The following ZNF420 variants were observed in gnomAD, a reference collection of about 807,000 sequenced individuals.
The protein encoded by ZNF420 is zinc finger protein 420.
ZNF420 carries 31 observed loss-of-function variants against 44.7 expected under a neutral mutation model. The observed-to-expected ratio is 0.69, with a 90% CI of 0.52 to 0.94. The LOEUF is 0.94. Ranked by LOEUF, ZNF420 falls within the 40% of genes least tolerant of loss-of-function variation. The pLI is 0.00. For missense variants in ZNF420, 681 were observed against 827.9 expected (o/e 0.82, Z 2.18); for synonymous variants, 245 against 267.4 (o/e 0.92, Z 0.82).
intron 4 of ZNF420, among the ~76,000 whole-genome samples, chr19:37,107,932 A>G (rs544830878): frequency 1.1e-3 from 164 of 152,204 alleles, no homozygotes; most frequent in African/African-American, 3.9e-3. Context: ...GCATCTAACC[A>G]TGTCCCAGTG....
At chr19:37,101,962 G>A (rs1320282455) in intron 4 of ZNF420, among the ~76,000 whole-genome samples, 1 of 152,230 alleles carries the variant, frequency 6.6e-6, no homozygotes, top group Non-Finnish European at 1.5e-5. Flanking sequence ...CTCCCAGCAT[G>A]TCTCTGCACA....
At chr19:37,052,398 G>T (rs1004386029) in intron 1 of ZNF420, among the ~76,000 whole-genome samples, 1 of 152,078 alleles carries the variant, frequency 6.6e-6, no homozygotes, top group Admixed American at 6.5e-5. Flanking sequence ...ATTTGATCCT[G>T]TCATTATGAT....
At chr19:37,073,751 G>GAAAA (rs71177422), upstream of ZNF420, among the ~76,000 whole-genome samples, 1 of 100,646 alleles carries the variant, frequency 9.9e-6, no homozygotes, top group Admixed American at 1.1e-4. Context: ...CCTGAAAAAA[G>GAAAA]AAAAAAAAAA....
chr19:37,028,150 T>C (rs377453049), intron 1 of ZNF420, among the ~76,000 whole-genome samples: 184 of 152,332 alleles, frequency 1.2e-3, no homozygotes, highest in African/African-American at 4.3e-3. Flanking sequence ...CTCATCTTTG[T>C]TTTAATTTGA....
chr19:37,056,092 C>CTCTG (rs1221098523), intron 1 of ZNF420, among the ~76,000 whole-genome samples: 1 of 151,820 alleles, frequency 6.6e-6, no homozygotes, highest in African/African-American at 2.4e-5. Flanking sequence ...CTCTCTGTCT[C>CTCTG]TCTCTCTCTC....
chr19:37,068,156 A>G (rs1051843663), intron 1 of ZNF420, among the ~76,000 whole-genome samples: 9 of 152,230 alleles, frequency 5.9e-5, no homozygotes, highest in African/African-American at 2.2e-4. Flanking sequence ...TTTTGTTCAC[A>G]CATTGATAAC....
chr19:37,116,744 C>T (rs1970712954), intron 4 of ZNF420, among the ~76,000 whole-genome samples: 1 of 152,186 alleles, frequency 6.6e-6, no homozygotes, highest in Non-Finnish European at 1.5e-5. Context: ...AAAATTGGGT[C>T]ACTCCCACCC....
chr19:37,123,599 C>CTTTTTTTTTTTTTTTTTTTTTTTTTT (rs762782458), intron 4 of ZNF420, among the ~76,000 whole-genome samples: 4 of 80,358 alleles, frequency 5.0e-5, no homozygotes, highest in Non-Finnish European at 6.6e-5. Flanking sequence ...TTACTCTTGT[C>CTTTTTTTTTTTTTTTTTTTTTTTTTT]TTTTTTTTTT....
intron 1 of ZNF420, among the ~76,000 whole-genome samples, chr19:37,072,376 T>C (rs1004819810): frequency 4.6e-5 from 7 of 152,314 alleles, no homozygotes; most frequent in Admixed American, 4.6e-4. Context: ...AAAGCTCTAA[T>C]TATTTTCTGA....
At chr19:37,087,819 T>A (rs973666462) in intron 2 of ZNF420, among the ~76,000 whole-genome samples, 1 of 152,076 alleles carries the variant, frequency 6.6e-6, no homozygotes, top group Non-Finnish European at 1.5e-5. Flanking sequence ...CTAATTTTTT[T>A]TATTTTTAGT....
upstream of ZNF420, among the ~76,000 whole-genome samples, chr19:37,077,444 G>A (rs981468055): frequency 2.0e-5 from 3 of 152,186 alleles, no homozygotes; most frequent in African/African-American, 4.8e-5. Flanking sequence ...GGAAAAGGCA[G>A]TTACCCTAGG....
At chr19:37,083,664 T>C (rs1968597429) in intron 2 of ZNF420, among the ~76,000 whole-genome samples, 1 of 152,220 alleles carries the variant, frequency 6.6e-6, no homozygotes, top group South Asian at 2.1e-4. Flanking sequence ...CTTTTTGACA[T>C]GACCCCAGTA....
intron 1 of ZNF420, among the ~76,000 whole-genome samples, chr19:37,066,313 T>C (rs1967966326): frequency 6.6e-6 from 1 of 152,002 alleles, no homozygotes. Context: ...CATAGTGGCA[T>C]GCGCCTGTAG....
At chr19:37,051,518 T>A (rs1243568239) in intron 1 of ZNF420, among the ~76,000 whole-genome samples, 1 of 152,246 alleles carries the variant, frequency 6.6e-6, no homozygotes, top group Non-Finnish European at 1.5e-5. Context: ...GAGGTGCTTA[T>A]AGTATTCTCT....
At chr19:37,056,833 G>A (rs2146433353) in intron 1 of ZNF420, among the ~76,000 whole-genome samples, 1 of 152,352 alleles carries the variant, frequency 6.6e-6, no homozygotes, top group African/African-American at 2.4e-5. Flanking sequence ...CGGGAGTGCG[G>A]CCCTGGGGTG....
At chr19:37,104,231 TGTG>T (rs1371396626) in intron 4 of ZNF420, among the ~76,000 whole-genome samples, 1 of 147,924 alleles carries the variant, frequency 6.8e-6, no homozygotes, top group Non-Finnish European at 1.5e-5. Flanking sequence ...AGTGAGAACA[TGTG>T]GTGTTTGTTT....
At chr19:37,055,291 C>CA (rs1341770168) in intron 1 of ZNF420, among the ~76,000 whole-genome samples, 5 of 152,008 alleles carry the variant, frequency 3.3e-5, no homozygotes, top group African/African-American at 7.2e-5. Context: ...GAGGCTGAGG[C>CA]AAAAAAATCG....
intron 1 of ZNF420, among the ~76,000 whole-genome samples, chr19:37,027,999 C>T (rs1007192963): frequency 6.6e-6 from 1 of 152,136 alleles, no homozygotes; most frequent in Non-Finnish European, 1.5e-5. Flanking sequence ...CAGGAATTTG[C>T]AAAACTGCCT....
chr19:37,078,353 G>C (rs1331135490), upstream of ZNF420: 1 of 152,228 alleles, frequency 6.6e-6, no homozygotes, highest in Non-Finnish European at 1.5e-5. Flanking sequence ...ACATTTCCCA[G>C]AGGCACGGCG....
Sources: allele counts gnomAD v4.1 joint callset (sites outside exome capture counted in the v4.1 genomes callset), GRCh38; gene constraint gnomAD v4.1.1; transcripts MANE v1.5; gene names NCBI Gene and HGNC (gene_info 2026-07-23, HGNC 2026-07-21).